The following PHRF1 variants were observed in gnomAD, a reference collection of about 807,000 sequenced individuals.
PHRF1 encodes the protein PHD and RING finger domain-containing protein 1.
PHRF1 carries 53 observed loss-of-function variants against 128.9 expected under a neutral mutation model. The observed-to-expected ratio is 0.41, with a 90% CI of 0.33 to 0.52. The LOEUF (loss-of-function observed/expected upper bound fraction) is 0.52, where lower values mean the gene tolerates loss of function less well. Ranked by LOEUF, PHRF1 falls within the 20% of genes least tolerant of loss-of-function variation. The pLI is 0.21. For missense variants in PHRF1, 2,503 were observed against 2,284.5 expected, an observed-to-expected ratio of 1.10 and a Z score of -1.95; for synonymous variants, 1,178 against 980.6, an observed-to-expected ratio of 1.20 and a Z score of -3.76.
At position 609,087 on chromosome 11, in the gene PHRF1, C is replaced by T. The variant is rs754329003; in HGVS notation, c.3631C>T (p.Pro1211Ser). The T allele has an allele frequency of 6.2e-7, 1 of 1,602,948 alleles. No homozygotes were observed. The highest frequency in any genetic ancestry group is 8.5e-7 in the Non-Finnish European group (1 of 1,175,478). ...CCCAGCGCCCCTTGCACAGGGGGAG[C>T]CAGGGCGGGAAGACCTCCCCACCAG... ...ASPAPLAQGE[P>S]GREDLPTRLP... Residue 1211 changes from proline (P) to serine (S), a missense_variant, in exon 14 of 18, where the codon CCA (proline) becomes TCA (serine). Physicochemically the swap from Pro to Ser is moderately conservative, Grantham distance 74 (BLOSUM62 -1). Coordinates refer to ENST00000264555, the MANE Select transcript of PHRF1 (RefSeq NM_001286581.2).
At position 611,802 on chromosome 11, in the gene PHRF1, C is replaced by T. The variant is rs17155933; in HGVS notation, c.*25C>T. On this transcript the variant is annotated 3_prime_UTR_variant, in exon 18 of 18. Transcript: ENST00000264555. ...AGGCCAGGCAATCACGGGCTATGCC[C>T]GGGGAGCTGTCGGGAGTGGCGGGAA... The T allele has an allele frequency of 7.1e-6, 10 of 1,410,936 alleles. No homozygotes were observed. Among genetic ancestry groups the T allele is most frequent in the East Asian group, 2.3e-5 (1 of 43,016 alleles). 87.4% of individuals were successfully genotyped at this position (1,410,936 alleles called of 1,614,324 possible).
chr11:594,377 T>C (rs1457131972), intron 6 of PHRF1, among the ~76,000 whole-genome samples: 1 of 152,264 alleles, frequency 6.6e-6, no homozygotes, highest in Non-Finnish European at 1.5e-5. Flanking sequence ...TAGGCCAGTT[T>C]TCACGCACAA....
In PHRF1 at chr11:607,496, C is replaced by A; in HGVS notation, c.2040C>A (p.Pro680=). 2 of 1,612,866 alleles carry A rather than the reference C, an allele frequency of 1.2e-6. No homozygotes were observed. The change falls in exon 14 of 18, where the codon CCC becomes CCA. Residue 680 remains proline, a synonymous_variant. Coordinates refer to ENST00000264555, the MANE Select transcript of PHRF1 (RefSeq NM_001286581.2). ...APRRTDISEL[P]RIPKIRRDDG... ...GAAGAACAGACATCTCTGAGCTACC[C>A]AGGATACCAAAGATCAGGAGAGATG...
At chr11:595,176 G>A (rs1191121094) in intron 6 of PHRF1, among the ~76,000 whole-genome samples, 1 of 152,076 alleles carries the variant, frequency 6.6e-6, no homozygotes, top group Non-Finnish European at 1.5e-5. Flanking sequence ...TAAAAAAATT[G>A]GCCGGGCGTG....
At position 587,265 on chromosome 11, in the gene PHRF1, A is replaced by G; in HGVS notation, c.221A>G (p.Glu74Gly). 2 of 1,613,288 alleles carry G rather than the reference A, an allele frequency of 1.2e-6. No homozygotes were observed. The highest frequency in any genetic ancestry group is 1.7e-6 in the Non-Finnish European group (2 of 1,179,826). ...TGGCATGTTTCCTCTCCAGGTTCCGAGGATTCTGAAGACGACGGGGAGACA... is the reference window on the plus strand; with the variant it reads ...TGGCATGTTTCCTCTCCAGGTTCCGGGGATTCTGAAGACGACGGGGAGACA... ...EEDLEDRSGS[E>G]DSEDDGETLL... The change falls in exon 4 of 18, where the codon GAG (glutamate) becomes GGG (glycine). Residue 74 changes from glutamate to glycine, a missense_variant. Transcript: ENST00000264555.
At position 591,364 on chromosome 11, in the gene PHRF1, C is replaced by A. The variant is rs1407885834; in HGVS notation, c.421-20C>A. 1 of 1,586,302 alleles carries A rather than the reference C, an allele frequency of 6.3e-7. No homozygotes were observed. On this transcript the variant is annotated intron_variant, in intron 4 of 17. Transcript: ENST00000264555. ...TGAAAGTGATTGACAAGATTCTGAT[C>A]CTGTTTTTATTTCTCACAGAATGCC...
Position 606,613 on chromosome 11 carries a change from C to T in PHRF1, c.1609+17C>T. 1 of 1,585,920 alleles carries T rather than the reference C, an allele frequency of 6.3e-7. No homozygotes were observed. On this transcript the variant is annotated intron_variant, in intron 13 of 17. Coordinates refer to ENST00000264555, the MANE Select transcript of PHRF1 (RefSeq NM_001286581.2). ...AGAGGGCGGGTGAGTGCCTTCCCTG[C>T]CACGGCCCCTTCCTCTGTGGGCTGC...
chr11:587,363 A>C lies in PHRF1; in HGVS notation c.319A>C (p.Ser107Arg). 1 of 1,613,832 alleles carries C rather than the reference A, an allele frequency of 6.2e-7. No homozygotes were observed. Among genetic ancestry groups the C allele is most frequent in the East Asian group, 2.2e-5 (1 of 44,884 alleles). Residue 107 changes from serine to arginine, a missense_variant, in exon 4 of 18, where the codon AGC becomes CGC. Physicochemically the swap from Ser to Arg is moderately radical, Grantham distance 110 (BLOSUM62 -1). Transcript: ENST00000264555. ...GSFNSDDDAE[S>R]CPICLNAFRD... ...TTTCAATTCTGATGATGATGCAGAG[A>C]GCTGCCCAATCTGTCTCAACGCATT...
At position 597,263 on chromosome 11, in the gene PHRF1, G is replaced by A. The variant is rs1339027361; in HGVS notation, c.719-132G>A. The A allele has an allele frequency of 2.6e-6, 3 of 1,167,178 alleles. No homozygotes were observed. Among genetic ancestry groups the A allele is most frequent in the Non-Finnish European group, 3.6e-6 (3 of 842,834 alleles). The allele number at this position is 1,167,178 out of a possible 1,614,324, so 72.3% of individuals were successfully genotyped here. On this transcript the variant is annotated intron_variant, in intron 7 of 17. Coordinates refer to ENST00000264555, the MANE Select transcript of PHRF1 (RefSeq NM_001286581.2). The surrounding 1 kb of genome is among the most constrained non-coding windows in gnomAD (Gnocchi z 6.5). ...CAGTGTTAGGAGCACCAGGCTCCAT[G>A]AGCAGCCCTGGGTCCTGTGCACAGG...
rs1332341828 is a variant in PHRF1 at position 603,727 on chromosome 11, TTG to T, written c.1153-1390_1153-1389del. 4.6e-3 allele frequency among the ~76,000 whole-genome samples: 596 copies of T among 129,186 alleles called. 13 individuals carry two copies. The highest frequency in any genetic ancestry group is 0.018 in the African/African-American group (506 of 28,704). 84.8% of individuals were successfully genotyped at this position (129,186 alleles called of 152,430 possible). A position where few individuals can be genotyped will look rare whatever the true frequency, so the allele number is the denominator to read the frequency against. ...TATTTATCTAAAACCATATTTAAGT[TTG>T]TTTTTTTTTTTTTTTTTTTTTTGAG... On this transcript the variant is annotated intron_variant, in intron 10 of 17. Transcript: ENST00000264555.
chr11:611,545 C>T, intron 17 of PHRF1, 89 bp from the exon 18 acceptor site: 1 of 1,571,670 alleles, frequency 6.4e-7, no homozygotes, highest in Non-Finnish European at 8.7e-7. Flanking sequence ...CTGAGCAGGG[C>T]AGGCGAGGGA....
At chr11:593,613 G>T (rs534382539) in intron 6 of PHRF1, among the ~76,000 whole-genome samples, 3 of 152,220 alleles carry the variant, frequency 2.0e-5, no homozygotes, top group Non-Finnish European at 4.4e-5. Context: ...TGCAGGAATC[G>T]CTGGCTGTCC....
chr11:606,684 G>A lies in PHRF1; in HGVS notation c.1609+88G>A, dbSNP rs775302611. ...AGCACTCAGCCCATGTCTCAGTCAC[G>A]GAAGATGTAGCTGAAGTTGGGGGGA... On this transcript the variant is annotated intron_variant, in intron 13 of 17. Coordinates refer to ENST00000264555, the MANE Select transcript of PHRF1 (RefSeq NM_001286581.2). 2.7e-4 allele frequency: 397 copies of A among 1,467,396 alleles called. 1 individual carries two copies. Among genetic ancestry groups the A allele is most frequent in the Non-Finnish European group, 3.1e-4 (339 of 1,109,228 alleles). The allele number at this position is 1,467,396 out of a possible 1,614,324, so 90.9% of individuals were successfully genotyped here. A position where few individuals can be genotyped will look rare whatever the true frequency, so the allele number is the denominator to read the frequency against.
At chr11:610,404 A>G in intron 15 of PHRF1, 57 bp downstream of exon 15, 2 of 1,536,882 alleles carry the variant, frequency 1.3e-6, no homozygotes, top group East Asian at 4.8e-5. Context: ...CACCCGTGCC[A>G]CACACACCAC....
Position 608,940 on chromosome 11 carries a change from A to G in PHRF1, c.3484A>G (p.Arg1162Gly). ...GTGGCCCCGAGACCGGAGGAAGCGG[A>G]GGTCCCGGTCCCCAAGCTCGGAGCA... ...VAWPRDRRKR[R>G]SRSPSSEHRA... The change falls in exon 14 of 18, where the codon AGG becomes GGG. Residue 1162 changes from arginine to glycine, a missense_variant. Transcript: ENST00000264555. 1 of 1,611,298 alleles carries G rather than the reference A, an allele frequency of 6.2e-7. No individual in the cohort carries two copies. Among genetic ancestry groups the G allele is most frequent in the East Asian group, 2.2e-5 (1 of 44,790 alleles).
intron 4 of PHRF1, among the ~76,000 whole-genome samples, chr11:587,850 C>T (rs975713010): frequency 1.3e-5 from 2 of 152,128 alleles, no homozygotes; most frequent in Non-Finnish European, 2.9e-5. Flanking sequence ...AACACCGGTA[C>T]GATTTGGCAT....
At chr11:596,323 A>G (rs1855274587) in intron 6 of PHRF1, among the ~76,000 whole-genome samples, 1 of 152,196 alleles carries the variant, frequency 6.6e-6, no homozygotes, top group Non-Finnish European at 1.5e-5. Context: ...GGCTCGATAG[A>G]AACAATTAAA....
At chr11:576,618 T>TG (rs1218563146) in intron 1 of PHRF1, 26 bp downstream of exon 1, 1 of 149,054 alleles carries the variant, frequency 6.7e-6, no homozygotes, top group African/African-American at 2.5e-5. Context: ...GCGCCGGCCC[T>TG]GGGGGCCCTG....
rs759422939 is a variant in PHRF1, at chr11:611,751, C to T, written c.4924C>T (p.Pro1642Ser). ...CAAGAAACCAGAGGCCGGGGAGGAGCCGCCCACGCAGGGGGCCGAGGGCTG... is the reference window on the plus strand; with the variant it reads ...CAAGAAACCAGAGGCCGGGGAGGAGTCGCCCACGCAGGGGGCCGAGGGCTG... ...RHKKPEAGEE[P>S]PTQGAEG The change falls in exon 18 of 18, where the codon CCG becomes TCG. Residue 1642 changes from proline to serine, a missense_variant. Physicochemically the swap from Pro to Ser is moderately conservative, Grantham distance 74. Transcript: ENST00000264555. 4 of 1,610,776 alleles carry T rather than the reference C, an allele frequency of 2.5e-6. No individual in the cohort carries two copies. Among genetic ancestry groups the T allele is most frequent in the Non-Finnish European group, 3.4e-6 (4 of 1,178,936 alleles).
Sources: allele counts gnomAD v4.1 joint callset (sites outside exome capture counted in the v4.1 genomes callset), GRCh38; gene constraint gnomAD v4.1.1; non-coding constraint Gnocchi (gnomAD v3.1); transcripts MANE v1.5; gene names NCBI Gene and HGNC (gene_info 2026-07-23, HGNC 2026-07-21).